Variants in CYFIP2 observed in about 807,000 individuals in gnomAD.
CYFIP2 encodes the protein cytoplasmic FMR1 interacting protein 2.
A neutral mutation model predicts 158.7 loss-of-function variants in CYFIP2; 29 were observed. The ratio of observed to expected loss-of-function variants is 0.18; its 90% CI spans 0.14 to 0.25. The LOEUF is 0.25. Among genes scored for constraint, CYFIP2 ranks in the 10% least tolerant of loss-of-function variants. The probability of loss-of-function intolerance (pLI) is 1.00; values close to 1 mark genes in which losing one functional copy is unlikely to be tolerated. For missense variants in CYFIP2, 852 were observed against 1,639.5 expected (o/e 0.52, Z 8.29); for synonymous variants, 585 against 617.6 (o/e 0.95, Z 0.78).
chr5:157,389,257 C>T lies in CYFIP2; in HGVS notation c.3276C>T (p.Phe1092=), dbSNP rs549574042. The change falls in exon 29 of 31, where the codon TTC becomes TTT. Residue 1092 remains phenylalanine, a synonymous_variant. Transcript: ENST00000620254. ...KERLCCGLSM[F]EVILTRIRSY... ...GGCTGTGCTGTGGCCTGTCCATGTTCGAGGTCATCCTGACCCGCATTCGGA... is the reference window on the plus strand; with the variant it reads ...GGCTGTGCTGTGGCCTGTCCATGTTTGAGGTCATCCTGACCCGCATTCGGA... 20 of 1,613,934 alleles carry T rather than the reference C, an allele frequency of 1.2e-5. No homozygotes were observed. Among genetic ancestry groups the T allele is most frequent in the Admixed American group, 5.0e-5 (3 of 60,016 alleles).
Position 157,359,112 on chromosome 5 carries a change from G to A in CYFIP2, c.2781G>A (p.Val927=), listed in dbSNP as rs1290081536. ...CRLLGYQGIA[V]VMEELLKIVK... is the part of the protein sequence containing the mutation. Reference sequence around the variant, plus strand: ...TCCTGGGTTATCAGGGCATCGCTGTGGTCATGGAGGAACTGCTAAAGATTG... The same window carrying A: ...TCCTGGGTTATCAGGGCATCGCTGTAGTCATGGAGGAACTGCTAAAGATTG... Residue 927 remains valine, a synonymous_variant, in exon 24 of 31, where the codon GTG becomes GTA. Coordinates refer to ENST00000620254, the MANE Select transcript of CYFIP2 (RefSeq NM_001037333.3). 1.2e-6 allele frequency: 2 copies of A among 1,613,962 alleles called. No homozygotes were observed. The highest frequency in any genetic ancestry group is 1.6e-4 in the Middle Eastern group (1 of 6,062).
chr5:157,302,499 C>G (rs574805762), intron 6 of CYFIP2, among the ~76,000 whole-genome samples: 75 of 152,264 alleles, frequency 4.9e-4, no homozygotes, highest in African/African-American at 1.8e-3. Context: ...TTTACCACTC[C>G]CAGCTGGTTG....
At chr5:157,282,833 A>G (rs1757094420) in intron 1 of CYFIP2, among the ~76,000 whole-genome samples, 1 of 152,190 alleles carries the variant, frequency 6.6e-6, no homozygotes, top group Non-Finnish European at 1.5e-5. Flanking sequence ...TGTAAGTTTC[A>G]TCTGGATTTT....
chr5:157,344,712 C>G (rs554202881), intron 23 of CYFIP2, among the ~76,000 whole-genome samples: 1 of 152,210 alleles, frequency 6.6e-6, no homozygotes, highest in Non-Finnish European at 1.5e-5. Flanking sequence ...CTTTGTCTTC[C>G]GCCTCTCCTC....
At position 157,354,552 on chromosome 5, in the gene CYFIP2, G is replaced by A. The variant is rs148455851; in HGVS notation, c.2674-4453G>A. Among the ~76,000 whole-genome samples the A allele has an allele frequency of 7.6e-4, 116 of 151,902 alleles. No homozygotes were observed. The South Asian group carries it at 8.7e-3, about 11-fold the overall frequency. On this transcript the variant is annotated intron_variant, in intron 23 of 30. Transcript: ENST00000620254. The stretch of plus-strand genomic sequence containing the variant: ...TGCGTGTGCATTTCTTCTTGCATGC[G>A]TGGGGTATATTTGGGGGAATGAGGG...
chr5:157,388,083 C>G (rs1766876465), intron 28 of CYFIP2, among the ~76,000 whole-genome samples: 1 of 152,240 alleles, frequency 6.6e-6, no homozygotes, highest in African/African-American at 2.4e-5. Context: ...CACTGGGGAG[C>G]TGATCCCATA....
chr5:157,369,879 G>GTTTTGTT lies in CYFIP2; in HGVS notation c.3039+8285_3039+8286insGTTTTTT, dbSNP rs534240919. On this transcript the variant is annotated intron_variant, in intron 26 of 30. Coordinates refer to ENST00000620254, the MANE Select transcript of CYFIP2 (RefSeq NM_001037333.3). ...AACAAAATCCTTGAGAATGGACCTAGTTTTTTTTTTTTTTTTTTTAAAGAC... is the reference window on the plus strand; with the variant it reads ...AACAAAATCCTTGAGAATGGACCTAGTTTTGTTTTTTTTTTTTTTTTTTTTTAAAGAC... Among the ~76,000 whole-genome samples the GTTTTGTT allele has an allele frequency of 4.3e-3, 440 of 103,248 alleles. 21 individuals are homozygous for GTTTTGTT. The highest frequency in any genetic ancestry group is 0.011 in the African/African-American group (263 of 24,630). The allele number at this position is 103,248 out of a possible 152,430, so 67.7% of individuals were successfully genotyped here.
chr5:157,385,380 A>T (rs1455751875), intron 28 of CYFIP2, among the ~76,000 whole-genome samples: 1 of 152,246 alleles, frequency 6.6e-6, no homozygotes, highest in Non-Finnish European at 1.5e-5. Flanking sequence ...CATTCCATGA[A>T]CCAAAGAAAA....
At chr5:157,299,627 G>A (rs76141264) in intron 5 of CYFIP2, among the ~76,000 whole-genome samples, 1,884 of 152,248 alleles carry the variant, frequency 0.012, 14 homozygotes, top group Non-Finnish European at 0.018. Flanking sequence ...TAGGCCAGGC[G>A]TGGTGGTTCA....
chr5:157,312,980 G>A (rs1455461716), intron 11 of CYFIP2, among the ~76,000 whole-genome samples: 2 of 152,160 alleles, frequency 1.3e-5, no homozygotes, highest in African/African-American at 4.8e-5. Flanking sequence ...CCCAAGTGCT[G>A]GGATTACAGG....
In CYFIP2 at chr5:157,357,367, G is replaced by A. The variant is rs147477550; in HGVS notation, c.2674-1638G>A. On this transcript the variant is annotated intron_variant, in intron 23 of 30. Transcript: ENST00000620254. ...GGCTCCAAAGGGAGTTGAAAATCTT[G>A]CAGTACTCCAAAAGCATCATTAGAA... is the stretch of plus-strand genomic sequence containing the variant. Among the ~76,000 whole-genome samples, 433 of 152,332 alleles carry A rather than the reference G, an allele frequency of 2.8e-3. 4 individuals are homozygous for A. The highest frequency in any genetic ancestry group is 0.01 in the African/African-American group (422 of 41,568).
In CYFIP2 at chr5:157,307,652, T is replaced by TGTGTGTGTGC. The variant is rs1487168820; in HGVS notation, c.796-105_796-104insGTGTGCGTGT. ...TCTCTACAGGGTGTGTGTGTGTGTG[T>TGTGTGTGTGC]GTGTATGTGTGTGTGTGTGTGTGAC... On this transcript the variant is annotated intron_variant, in intron 8 of 30. Coordinates refer to ENST00000620254, the MANE Select transcript of CYFIP2 (RefSeq NM_001037333.3). 1.1e-5 allele frequency: 7 copies of TGTGTGTGTGC among 613,476 alleles called. No homozygotes were observed. The East Asian group carries it at 2.0e-4, about 17-fold the overall frequency. The allele number at this position is 613,476 out of a possible 1,614,324, so 38.0% of individuals were successfully genotyped here. A position where few individuals can be genotyped will look rare whatever the true frequency, so the allele number is the denominator to read the frequency against.
At chr5:157,285,589 T>C (rs1294809943) in intron 2 of CYFIP2, 111 bp downstream of exon 2, 2 of 944,564 alleles carry the variant, frequency 2.1e-6, no homozygotes, top group Non-Finnish European at 3.1e-6. Flanking sequence ...AGGTGAAAGG[T>C]TGTGAGCTGA....
intron 2 of CYFIP2, among the ~76,000 whole-genome samples, chr5:157,286,552 G>GTATGTATATA (rs1757398755): frequency 7.2e-6 from 1 of 138,124 alleles, no homozygotes; most frequent in African/African-American, 2.7e-5. Flanking sequence ...GCTATTTTAT[G>GTATGTATATA]TATATATATA....
chr5:157,301,456 A>G (rs1758740936), intron 6 of CYFIP2, among the ~76,000 whole-genome samples: 1 of 152,180 alleles, frequency 6.6e-6, no homozygotes, highest in Non-Finnish European at 1.5e-5. Context: ...CCCAGCTTCT[A>G]AGGAAGGACA....
intron 13 of CYFIP2, 44 bp downstream of exon 13, chr5:157,315,138 A>T (rs1346521794): frequency 2.5e-6 from 4 of 1,608,786 alleles, no homozygotes; most frequent in Non-Finnish European, 3.4e-6. Context: ...CCAAGGCTGC[A>T]GCTCATGGTG....
intron 16 of CYFIP2, among the ~76,000 whole-genome samples, chr5:157,324,565 G>A (rs1008406569): frequency 1.4e-4 from 22 of 152,152 alleles, no homozygotes; most frequent in African/African-American, 5.1e-4. Context: ...TGCTGGCATT[G>A]ACAAGAGTGA....
rs537000808 is a variant in CYFIP2, at chr5:157,338,861, C to T, written c.2386-196C>T. ...CCTTCTGGGCCTCCATTTCTGTCAG[C>T]GTAGTCTGACAATCCTTCCACTTCT... On this transcript the variant is annotated intron_variant, in intron 21 of 30. Coordinates refer to ENST00000620254, the MANE Select transcript of CYFIP2 (RefSeq NM_001037333.3). Among the ~76,000 whole-genome samples the T allele has an allele frequency of 2.6e-5, 4 of 152,332 alleles. No individual in the cohort carries two copies. In the South Asian group the frequency reaches 6.2e-4, roughly 24 times the overall value.
chr5:157,317,171 C>T (rs1037708669), intron 13 of CYFIP2, among the ~76,000 whole-genome samples: 2 of 152,146 alleles, frequency 1.3e-5, no homozygotes, highest in South Asian at 2.1e-4. Context: ...AACCTTATAT[C>T]GTCATCCAAG....
Sources: gnomAD v4.1 joint callset for allele counts (sites outside exome capture counted in the v4.1 genomes callset) on GRCh38, gnomAD v4.1.1 for gene constraint, MANE v1.5 for transcripts, NCBI Gene and HGNC (gene_info 2026-07-23, HGNC 2026-07-21) for gene names.